DMTF1: variants seen among roughly 807,000 people sequenced by gnomAD.
The protein encoded by DMTF1 is cyclin-D-binding Myb-like transcription factor 1.
In DMTF1, 39 loss-of-function variants were observed where a neutral mutation model predicts 91.1. The observed-to-expected ratio is 0.43, with a 90% CI of 0.33 to 0.56. The LOEUF (loss-of-function observed/expected upper bound fraction) is 0.56. Ranked by LOEUF, DMTF1 falls within the 20% of genes least tolerant of loss-of-function variation. The pLI is 0.05. For synonymous variants in DMTF1, 338 were observed against 309.5 expected (o/e 1.09, Z -0.97); for missense variants, 750 against 914.5 (o/e 0.82, Z 2.32).
intron 17 of DMTF1, 44 bp downstream of exon 17, chr7:87,194,872 T>C (rs1005799787): frequency 6.4e-6 from 10 of 1,563,888 alleles, no homozygotes; most frequent in South Asian, 3.5e-5. Flanking sequence ...AAATTTTAGA[T>C]GGAAAAAAAC....
intron 1 of DMTF1, among the ~76,000 whole-genome samples, chr7:87,161,295 C>A (rs961173488): frequency 6.6e-6 from 1 of 152,050 alleles, no homozygotes; most frequent in Non-Finnish European, 1.5e-5. Flanking sequence ...GTCAGGAGTT[C>A]GAGACCAGCC....
At chr7:87,187,641 T>C (rs1198485195) in intron 12 of DMTF1, 1 of 172,500 alleles carries the variant, frequency 5.8e-6, no homozygotes, top group Non-Finnish European at 1.2e-5. Context: ...AAGAATACCA[T>C]ATTACTGTTT....
chr7:87,167,084 G>A (rs1376658499), intron 4 of DMTF1, among the ~76,000 whole-genome samples: 1 of 152,142 alleles, frequency 6.6e-6, no homozygotes, highest in Non-Finnish European at 1.5e-5. Context: ...TCAGGAAACT[G>A]AGACACAGAA....
chr7:87,159,378 G>A (rs958798300), intron 1 of DMTF1, among the ~76,000 whole-genome samples: 22 of 142,468 alleles, frequency 1.5e-4, no homozygotes, highest in African/African-American at 5.7e-4. Flanking sequence ...TGATAAAGCT[G>A]AATTCCTTGT....
intron 1 of DMTF1, among the ~76,000 whole-genome samples, chr7:87,160,526 C>T (rs1792044244): frequency 6.6e-6 from 1 of 152,130 alleles, no homozygotes; most frequent in Non-Finnish European, 1.5e-5. Context: ...CTTCCTGCCT[C>T]GGCCTCCCAA....
At chr7:87,163,284 C>G (rs1318362650) in intron 1 of DMTF1, 1 of 150,668 alleles carries the variant, frequency 6.6e-6, no homozygotes, top group East Asian at 2.0e-4. Flanking sequence ...TAAGAAACTA[C>G]CTGTGAATAG....
At chr7:87,177,744 G>A (rs1796542978) in intron 7 of DMTF1, among the ~76,000 whole-genome samples, 1 of 152,120 alleles carries the variant, frequency 6.6e-6, no homozygotes. Context: ...CATTGCTGTA[G>A]GTGTGAGATA....
intron 2 of DMTF1, chr7:87,164,349 G>A (rs1250789476): frequency 2.0e-5 from 3 of 152,100 alleles, no homozygotes; most frequent in African/African-American, 7.2e-5. Context: ...TACTTTGAAC[G>A]ATGTTCAAAG....
At chr7:87,182,839 A>G (rs964123881) in intron 10 of DMTF1, among the ~76,000 whole-genome samples, 1 of 152,220 alleles carries the variant, frequency 6.6e-6, no homozygotes. Context: ...GAAAAAATTT[A>G]TGATTGGTGT....
intron 12 of DMTF1, chr7:87,186,242 G>A: frequency 2.5e-6 from 1 of 404,032 alleles, no homozygotes; most frequent in Non-Finnish European, 4.5e-6. Context: ...ATAAAATCAT[G>A]CCACATAACG....
At chr7:87,172,608 A>T (rs1795322878) in intron 5 of DMTF1, among the ~76,000 whole-genome samples, 2 of 144,732 alleles carry the variant, frequency 1.4e-5, no homozygotes, top group African/African-American at 5.2e-5. Flanking sequence ...CCTTCTTAGG[A>T]TTTACCTTCA....
At chr7:87,176,713 A>G (rs1796338689) in intron 7 of DMTF1, among the ~76,000 whole-genome samples, 1 of 152,188 alleles carries the variant, frequency 6.6e-6, no homozygotes, top group African/African-American at 2.4e-5. Flanking sequence ...TGATGATCAG[A>G]TTGGCAGAAA....
intron 7 of DMTF1, 75 bp downstream of exon 7, chr7:87,174,744 T>C: frequency 1.0e-6 from 1 of 978,000 alleles, no homozygotes; most frequent in Non-Finnish European, 1.6e-6. Context: ...CAGAATGTTG[T>C]GTGCACTTAT....
At position 87,194,030 on chromosome 7, in the gene DMTF1, A is replaced by G; in HGVS notation, c.1956A>G (p.Glu652=). The G allele has an allele frequency of 1.2e-6, 2 of 1,612,912 alleles. No homozygotes were observed. Among genetic ancestry groups the G allele is most frequent in the East Asian group, 2.2e-5 (1 of 44,804 alleles). Residue 652 remains glutamate (E), a synonymous_variant, in exon 16 of 18, where the codon GAA becomes GAG. Coordinates refer to ENST00000331242, the MANE Select transcript of DMTF1 (RefSeq NM_001142327.2). The stretch of plus-strand genomic sequence containing the variant: ...TGAATAGTGTTATGGTCAGAACAGA[A>G]GAAGAAATCTCTGACACCGACCTTA... The part of the protein sequence containing the change: ...ELMNSVMVRT[E]EEISDTDLKQ...
intron 16 of DMTF1, 47 bp from the exon 17 acceptor site, chr7:87,194,637 A>G (rs1274060866): frequency 7.1e-7 from 1 of 1,413,940 alleles, no homozygotes; most frequent in East Asian, 2.3e-5. Flanking sequence ...ATTTTAAGGA[A>G]GACTAGTAAG....
At chr7:87,189,172 C>G (rs983610736) in intron 13 of DMTF1, among the ~76,000 whole-genome samples, 1 of 152,084 alleles carries the variant, frequency 6.6e-6, no homozygotes, top group African/African-American at 2.4e-5. Flanking sequence ...AACAGAAACA[C>G]CCTGCATGTT....
At chr7:87,194,332 C>T (rs1016666602) in intron 16 of DMTF1, 3 of 504,652 alleles carry the variant, frequency 5.9e-6, no homozygotes, top group African/African-American at 4.0e-5. Context: ...ACTTTTTCCT[C>T]TTTACCTACA....
At chr7:87,164,182 A>G (rs937021456) in intron 2 of DMTF1, 14 of 152,164 alleles carry the variant, frequency 9.2e-5, no homozygotes, top group African/African-American at 3.4e-4. Context: ...GAACCTCCTT[A>G]AACCTTATAA....
At chr7:87,174,277 A>G (rs1795755239) in intron 6 of DMTF1, among the ~76,000 whole-genome samples, 1 of 152,112 alleles carries the variant, frequency 6.6e-6, no homozygotes, top group Non-Finnish European at 1.5e-5. Flanking sequence ...AGTTTTGAGC[A>G]TGTTTGGCTT....
Sources: gnomAD v4.1 joint callset for allele counts (sites outside exome capture counted in the v4.1 genomes callset) on GRCh38, gnomAD v4.1.1 for gene constraint, MANE v1.5 for transcripts, NCBI Gene and HGNC (gene_info 2026-07-23, HGNC 2026-07-21) for gene names.